AS3MT: variants seen among roughly 807,000 people sequenced by gnomAD.
AS3MT encodes arsenite methyltransferase.
A neutral mutation model predicts 45.3 loss-of-function variants in AS3MT; 47 were observed. That is an observed-to-expected ratio of 1.04 (90% CI 0.82 to 1.32). The LOEUF (loss-of-function observed/expected upper bound fraction) is 1.32. AS3MT is among the 40% of genes most tolerant of loss of function. The pLI is 0.00. For synonymous variants in AS3MT, 141 were observed against 152.8 expected, an observed-to-expected ratio of 0.92 and a Z score of 0.57; for missense variants, 396 against 451.1, an observed-to-expected ratio of 0.88 and a Z score of 1.11.
intron 9 of AS3MT, among the ~76,000 whole-genome samples, chr10:102,882,031 C>T (rs1485436543): frequency 6.6e-6 from 1 of 151,988 alleles, no homozygotes; most frequent in Non-Finnish European, 1.5e-5. Context: ...GCTCCACCTC[C>T]CGGGTTCACG....
At chr10:102,893,467 T>A (rs1049002083) in intron 10 of AS3MT, among the ~76,000 whole-genome samples, 1 of 151,268 alleles carries the variant, frequency 6.6e-6, no homozygotes, top group Admixed American at 6.6e-5. Flanking sequence ...TACAGGCATG[T>A]GCCACCATGC....
At chr10:102,879,029 CT>C in intron 9 of AS3MT, 38 bp downstream of exon 9, 1 of 1,586,350 alleles carries the variant, frequency 6.3e-7, no homozygotes, top group Non-Finnish European at 8.6e-7. Context: ...GGTATTCTTT[CT>C]GCTCTTGCCC....
At chr10:102,888,508 A>C (rs999918385) in intron 9 of AS3MT, among the ~76,000 whole-genome samples, 1 of 149,258 alleles carries the variant, frequency 6.7e-6, no homozygotes, top group Admixed American at 6.7e-5. Context: ...TGCAACCTCC[A>C]CCTCCCGGGT....
Position 102,901,400 on chromosome 10 carries a change from A to G in AS3MT, c.*700A>G, listed in dbSNP as rs1236160403. On this transcript the variant is annotated 3_prime_UTR_variant, in exon 11 of 11. Coordinates refer to ENST00000369880, the MANE Select transcript of AS3MT (RefSeq NM_020682.4). ...AGTAGAGACGGGGTTTCACCATGTT[A>G]GCCAGGATGGTCTTGATCTCCTGAC... The G allele has an allele frequency of 1.3e-5, 2 of 151,882 alleles. No homozygotes were observed. Among genetic ancestry groups the G allele is most frequent in the Admixed American group, 6.6e-5 (1 of 15,208 alleles). 9.4% of individuals were successfully genotyped at this position (151,882 alleles called of 1,614,324 possible). A position where few individuals can be genotyped will look rare whatever the true frequency, so the allele number is the denominator to read the frequency against.
chr10:102,870,045 C>T, intron 2 of AS3MT, 39 bp from the exon 3 acceptor site: 1 of 1,608,178 alleles, frequency 6.2e-7, no homozygotes, highest in Non-Finnish European at 8.5e-7. Flanking sequence ...AGCTCTTCTC[C>T]CTCTCTACCC....
At position 102,900,639 on chromosome 10, in the gene AS3MT, T is replaced by C; in HGVS notation, c.1067T>C (p.Met356Thr). The change falls in exon 11 of 11, where the codon ATG (methionine) becomes ACG (threonine). Residue 356 changes from methionine (M) to threonine (T), a missense_variant. Transcript: ENST00000369880. Reference protein sequence around the residue: ...PFKLAEESDSMKSRCVPDAAG... With the variant: ...PFKLAEESDSTKSRCVPDAAG... ...AAGCTTGCAGAAGAGTCTGACAGTA[T>C]GAAGTCCAGATGTGTCCCTGATGCT... 1 of 1,614,180 alleles carries C rather than the reference T, an allele frequency of 6.2e-7. No individual in the cohort carries two copies. The highest frequency in any genetic ancestry group is 2.2e-5 in the East Asian group (1 of 44,882).
chr10:102,875,998 T>C lies in AS3MT; in HGVS notation c.529-956T>C, dbSNP rs182607475. ...CATAGAACTCAAATACAAATATCTATATAGAAATGATTTAATGATTTAGTG... is the reference window on the plus strand; with the variant it reads ...CATAGAACTCAAATACAAATATCTACATAGAAATGATTTAATGATTTAGTG... On this transcript the variant is annotated intron_variant, in intron 6 of 10. Coordinates refer to ENST00000369880, the MANE Select transcript of AS3MT (RefSeq NM_020682.4). Among the ~76,000 whole-genome samples, 53 of 148,450 alleles carry C rather than the reference T, an allele frequency of 3.6e-4. 1 individual carries two copies. The highest frequency in any genetic ancestry group is 6.8e-4 in the Admixed American group (10 of 14,808).
intron 5 of AS3MT, among the ~76,000 whole-genome samples, chr10:102,873,935 T>C (rs1296933417): frequency 1.3e-5 from 2 of 152,186 alleles, no homozygotes; most frequent in East Asian, 1.9e-4. Context: ...TTGAGGAACA[T>C]AGCCTGTTTA....
rs145060374 is a variant in AS3MT at position 102,872,965 on chromosome 10, G to A, written c.322-132G>A. On this transcript the variant is annotated intron_variant, in intron 4 of 10. Coordinates refer to ENST00000369880, the MANE Select transcript of AS3MT (RefSeq NM_020682.4). ...TCCCAGGTTGTAGTATATCCTACGTGTCCACAGGAATCTTGTATGTTTATC... is the reference window on the plus strand; with the variant it reads ...TCCCAGGTTGTAGTATATCCTACGTATCCACAGGAATCTTGTATGTTTATC... The A allele has an allele frequency of 6.6e-4, 515 of 778,962 alleles. 4 individuals carry two copies. The African/African-American group carries it at 8.3e-3, about 13-fold the overall frequency. 48.3% of individuals were successfully genotyped at this position (778,962 alleles called of 1,614,324 possible).
chr10:102,880,071 G>T (rs749444275), intron 9 of AS3MT, among the ~76,000 whole-genome samples: 1 of 152,102 alleles, frequency 6.6e-6, no homozygotes, highest in Non-Finnish European at 1.5e-5. Context: ...TCAGACATTG[G>T]ATTAATAGGG....
chr10:102,885,011 C>A (rs1844926578), intron 9 of AS3MT, among the ~76,000 whole-genome samples: 1 of 152,082 alleles, frequency 6.6e-6, no homozygotes, highest in South Asian at 2.1e-4. Flanking sequence ...TTATTCTTTT[C>A]TAGCTATTTT....
chr10:102,877,111 G>C, intron 7 of AS3MT, 76 bp downstream of exon 7: 9 of 1,385,316 alleles, frequency 6.5e-6, no homozygotes, highest in Admixed American at 3.4e-5. Flanking sequence ...TAATAGCCAG[G>C]ATGAGGCTAT....
intron 4 of AS3MT, 67 bp from the exon 5 acceptor site, chr10:102,873,030 A>G: frequency 7.3e-7 from 1 of 1,360,938 alleles, no homozygotes; most frequent in African/African-American, 1.5e-5. Flanking sequence ...TAGTGATAGG[A>G]AATTTTTAGG....
chr10:102,873,533 G>T (rs12259506), intron 5 of AS3MT, among the ~76,000 whole-genome samples: 1 of 152,116 alleles, frequency 6.6e-6, no homozygotes, highest in Admixed American at 6.5e-5. Flanking sequence ...TGATCCACCC[G>T]CTTCCACCTC....
At chr10:102,886,116 T>C (rs1431913943) in intron 9 of AS3MT, among the ~76,000 whole-genome samples, 5 of 152,142 alleles carry the variant, frequency 3.3e-5, no homozygotes, top group Admixed American at 3.3e-4. Flanking sequence ...ATTTTTCATT[T>C]TGTTGATCTT....
At chr10:102,893,443 T>G (rs1316435876) in intron 10 of AS3MT, among the ~76,000 whole-genome samples, 1 of 150,742 alleles carries the variant, frequency 6.6e-6, no homozygotes, top group African/African-American at 2.4e-5. Context: ...CTCAGCCTCC[T>G]GAGTAGCTGT....
rs796610749 is a variant in AS3MT, at chr10:102,872,401, A to G, written c.171-47A>G. ...AGTATGTATAAGATTTAGTGGTTTC[A>G]TGTCTTACAGTCTCCAGGGAAAAAA... On this transcript the variant is annotated intron_variant, in intron 3 of 10. Transcript: ENST00000369880. The G allele has an allele frequency of 9.4e-6, 15 of 1,600,824 alleles. No homozygotes were observed. The African/African-American group carries it at 2.0e-4, about 21-fold the overall frequency.
intron 10 of AS3MT, among the ~76,000 whole-genome samples, chr10:102,897,108 G>C (rs1027197183): frequency 6.6e-6 from 1 of 152,044 alleles, no homozygotes; most frequent in African/African-American, 2.4e-5. Context: ...CTATCAGAAG[G>C]CGTGGTGGCT....
chr10:102,877,748 CTT>C (rs751685577), intron 7 of AS3MT, among the ~76,000 whole-genome samples: 16,284 of 105,198 alleles, frequency 0.15, 1,013 homozygotes, highest in East Asian at 0.33. Context: ...GTGATAACTT[CTT>C]TTTTTTTTTT....
Sources: allele counts gnomAD v4.1 joint callset (sites outside exome capture counted in the v4.1 genomes callset), GRCh38; gene constraint gnomAD v4.1.1; transcripts MANE v1.5; gene names NCBI Gene and HGNC (gene_info 2026-07-23, HGNC 2026-07-21).